The following IMMP1L variants were observed in gnomAD, a reference collection of about 807,000 sequenced individuals.
IMMP1L encodes the protein mitochondrial inner membrane protease subunit 1.
In IMMP1L, 24 loss-of-function variants were observed where a neutral mutation model predicts 21.8. The observed-to-expected ratio is 1.10, with a 90% CI of 0.80 to 1.55. The LOEUF (loss-of-function observed/expected upper bound fraction) is 1.55. Ranked by LOEUF, IMMP1L falls within the 40% of genes most tolerant of loss-of-function variation. The pLI is 0.00. For missense variants in IMMP1L, 195 were observed against 200.7 expected (o/e 0.97, Z 0.17); for synonymous variants, 46 against 62.8 (o/e 0.73, Z 1.26).
At chr11:31,493,885 G>A (rs1443634096) in intron 1 of IMMP1L, among the ~76,000 whole-genome samples, 1 of 152,198 alleles carries the variant, frequency 6.6e-6, no homozygotes, top group Non-Finnish European at 1.5e-5. Context: ...TCATATCCAG[G>A]TCACACTGAT....
intron 1 of IMMP1L, among the ~76,000 whole-genome samples, chr11:31,471,310 A>G (rs1954543060): frequency 6.6e-6 from 1 of 152,160 alleles, no homozygotes; most frequent in African/African-American, 2.4e-5. Flanking sequence ...TGAAGGTGTT[A>G]ACCCGAGGAT....
intron 1 of IMMP1L, among the ~76,000 whole-genome samples, chr11:31,482,722 G>A (rs1954939800): frequency 6.6e-6 from 1 of 151,998 alleles, no homozygotes; most frequent in African/African-American, 2.4e-5. Flanking sequence ...AACATGTGGA[G>A]CAACTAGAAC....
At chr11:31,498,463 A>G (rs1955519648) in intron 1 of IMMP1L, among the ~76,000 whole-genome samples, 1 of 152,200 alleles carries the variant, frequency 6.6e-6, no homozygotes, top group Non-Finnish European at 1.5e-5. Flanking sequence ...TATGAAACTC[A>G]AAATCTTTCA....
intron 2 of IMMP1L, among the ~76,000 whole-genome samples, chr11:31,462,864 T>C (rs1954199254): frequency 6.6e-6 from 1 of 152,178 alleles, no homozygotes; most frequent in Non-Finnish European, 1.5e-5. Flanking sequence ...AAACATATCC[T>C]GAAACACAGT....
At chr11:31,442,144 C>G (rs1358971964) in intron 4 of IMMP1L, among the ~76,000 whole-genome samples, 1 of 152,112 alleles carries the variant, frequency 6.6e-6, no homozygotes, top group Non-Finnish European at 1.5e-5. Context: ...TCTTGTTTTT[C>G]CTTTCTACGA....
chr11:31,454,427 G>C (rs989383744), intron 4 of IMMP1L, among the ~76,000 whole-genome samples: 2 of 131,636 alleles, frequency 1.5e-5, no homozygotes, highest in Admixed American at 1.7e-4. Context: ...ACTCCAGCTT[G>C]GGCAACAGAG....
chr11:31,478,178 C>T (rs866212065), intron 1 of IMMP1L, among the ~76,000 whole-genome samples: 4 of 152,138 alleles, frequency 2.6e-5, no homozygotes, highest in African/African-American at 4.8e-5. Flanking sequence ...CATATGCAGC[C>T]GCCTGGTTTT....
intron 1 of IMMP1L, among the ~76,000 whole-genome samples, chr11:31,484,773 CG>C (rs1955018602): frequency 6.6e-6 from 1 of 151,798 alleles, no homozygotes; most frequent in African/African-American, 2.4e-5. Context: ...TTCCTCTCTC[CG>C]GGCCTCTAAA....
intron 1 of IMMP1L, among the ~76,000 whole-genome samples, chr11:31,479,607 T>C (rs973300327): frequency 6.6e-6 from 1 of 152,050 alleles, no homozygotes; most frequent in Non-Finnish European, 1.5e-5. Context: ...CTAGTCCAAA[T>C]TGAGATGTAC....
chr11:31,454,029 T>C (rs912423966), intron 4 of IMMP1L, among the ~76,000 whole-genome samples: 24 of 152,308 alleles, frequency 1.6e-4, no homozygotes, highest in African/African-American at 5.5e-4. Flanking sequence ...AGTAAAATAC[T>C]GTTACCTACT....
intron 4 of IMMP1L, among the ~76,000 whole-genome samples, chr11:31,442,419 AT>A (rs1953368594): frequency 6.6e-6 from 1 of 152,232 alleles, no homozygotes; most frequent in South Asian, 2.1e-4. Flanking sequence ...ACAATATCAA[AT>A]AACACATTTA....
intron 4 of IMMP1L, among the ~76,000 whole-genome samples, chr11:31,438,808 C>T (rs1344800810): frequency 1.3e-5 from 2 of 151,974 alleles, no homozygotes; most frequent in Non-Finnish European, 2.9e-5. Context: ...GTTGTTACTC[C>T]AGGGTTTACA....
intron 4 of IMMP1L, among the ~76,000 whole-genome samples, chr11:31,433,914 G>T (rs1460336540): frequency 6.6e-6 from 1 of 152,150 alleles, no homozygotes; most frequent in Non-Finnish European, 1.5e-5. Context: ...GATGCTGACT[G>T]AAAATGCGCC....
intron 1 of IMMP1L, chr11:31,488,060 AC>A (rs1391164411): frequency 2.0e-5 from 3 of 152,170 alleles, no homozygotes; most frequent in African/African-American, 7.2e-5. Flanking sequence ...GAGCAGCATT[AC>A]AACAGTCATA....
intron 1 of IMMP1L, among the ~76,000 whole-genome samples, chr11:31,495,029 C>A (rs1955386693): frequency 1.3e-5 from 2 of 152,322 alleles, no homozygotes; most frequent in East Asian, 1.9e-4. Flanking sequence ...TAAATCATTT[C>A]TTTCAAGTTC....
At chr11:31,490,342 C>G (rs1043434960) in intron 1 of IMMP1L, among the ~76,000 whole-genome samples, 1 of 151,732 alleles carries the variant, frequency 6.6e-6, no homozygotes, top group Non-Finnish European at 1.5e-5. Flanking sequence ...CATCGTGGCG[C>G]GCGCCTGTAA....
intron 1 of IMMP1L, among the ~76,000 whole-genome samples, chr11:31,487,952 A>AT (rs949012432): frequency 1.3e-5 from 2 of 152,138 alleles, no homozygotes; most frequent in Non-Finnish European, 2.9e-5. Flanking sequence ...GTTTTTGTGA[A>AT]TGTAGCCAAA....
intron 1 of IMMP1L, among the ~76,000 whole-genome samples, chr11:31,506,044 G>A (rs142804792): frequency 2.0e-5 from 3 of 152,030 alleles, no homozygotes; most frequent in Admixed American, 1.3e-4. Flanking sequence ...CCCCTGATCC[G>A]CACACTGTTC....
intron 4 of IMMP1L, among the ~76,000 whole-genome samples, chr11:31,443,314 T>C (rs560385157): frequency 6.6e-6 from 1 of 152,282 alleles, no homozygotes; most frequent in East Asian, 1.9e-4. Context: ...ACCCTTCCTA[T>C]AGTGCCAGCA....
Sources: allele counts gnomAD v4.1 joint callset (sites outside exome capture counted in the v4.1 genomes callset), GRCh38; gene constraint gnomAD v4.1.1; transcripts MANE v1.5; gene names NCBI Gene and HGNC (gene_info 2026-07-23, HGNC 2026-07-21).